TENM2: variants seen among roughly 807,000 people sequenced by gnomAD.
TENM2 encodes teneurin-2.
Under a neutral mutation model 245.2 loss-of-function variants are expected in TENM2, and 52 were observed. That is an observed-to-expected ratio of 0.21 (90% CI 0.17 to 0.27). The LOEUF is 0.27. TENM2 is among the 10% of genes least tolerant of loss of function. The pLI, the probability that TENM2 is intolerant of heterozygous loss-of-function variation, is 1.00. For synonymous variants in TENM2, 1,363 were observed against 1,438.9 expected (o/e 0.95, Z 1.19); for missense variants, 3,046 against 3,666.8 (o/e 0.83, Z 4.37).
chr5:167,661,750 A>G (rs529378022), intron 2 of TENM2, among the ~76,000 whole-genome samples: 48 of 151,702 alleles, frequency 3.2e-4, no homozygotes, highest in African/African-American at 1.1e-3. Flanking sequence ...AGGCTTGCCT[A>G]GAGTCAGTGG....
chr5:167,396,623 T>C (rs1454443886), intron 2 of TENM2, among the ~76,000 whole-genome samples: 2 of 152,104 alleles, frequency 1.3e-5, no homozygotes, highest in African/African-American at 4.8e-5. Flanking sequence ...AGTGTGTATC[T>C]CTTTTATATA....
the TENM2 span, among the ~76,000 whole-genome samples, chr5:167,271,251 C>T: frequency 3.3e-5 from 5 of 151,990 alleles, no homozygotes; most frequent in African/African-American, 1.2e-4. Context: ...TTAGCCAGTG[C>T]CTAAGGTACA....
At chr5:167,740,625 A>G (rs1390399816) in intron 2 of TENM2, among the ~76,000 whole-genome samples, 1 of 152,028 alleles carries the variant, frequency 6.6e-6, no homozygotes, top group East Asian at 1.9e-4. Context: ...TTCTTATCTT[A>G]CCTGTGCAAA....
the TENM2 span, among the ~76,000 whole-genome samples, chr5:167,166,899 C>T: frequency 4.6e-5 from 7 of 152,148 alleles, no homozygotes; most frequent in African/African-American, 1.7e-4. Flanking sequence ...GGGTGGTCCT[C>T]ATAGCCTAGG....
intron 2 of TENM2, among the ~76,000 whole-genome samples, chr5:167,507,720 A>G (rs1203385362): frequency 6.7e-6 from 1 of 149,704 alleles, no homozygotes; most frequent in Non-Finnish European, 1.5e-5. Context: ...ATAAAAAAAT[A>G]AAACAATTAC....
chr5:168,139,847 T>C (rs1755381324), intron 12 of TENM2, among the ~76,000 whole-genome samples: 1 of 152,240 alleles, frequency 6.6e-6, no homozygotes. Context: ...AAGCCTAGTC[T>C]TCCCCAAATT....
At chr5:167,272,664 AAGG>A in the TENM2 span, among the ~76,000 whole-genome samples, 1 of 152,150 alleles carries the variant, frequency 6.6e-6, no homozygotes, top group Non-Finnish European at 1.5e-5. Context: ...GTGGGGAAGA[AAGG>A]TGGTCACATC....
chr5:167,332,052 G>C (rs564299907), intron 1 of TENM2, among the ~76,000 whole-genome samples: 133 of 152,242 alleles, frequency 8.7e-4, no homozygotes, highest in Non-Finnish European at 1.7e-3. Flanking sequence ...TCACCAACGG[G>C]CAATTTGTTC....
chr5:167,331,476 C>T (rs1757458710), intron 1 of TENM2, among the ~76,000 whole-genome samples: 1 of 152,096 alleles, frequency 6.6e-6, no homozygotes, highest in Admixed American at 6.5e-5. Flanking sequence ...ATGAATGTAC[C>T]TACAGAAGTG....
In TENM2 at chr5:167,743,246, C is replaced by T. The variant is rs553516136; in HGVS notation, c.503-132740C>T. Among the ~76,000 whole-genome samples, 5 of 152,242 alleles carry T rather than the reference C, an allele frequency of 3.3e-5. No homozygotes were observed. The South Asian group carries it at 1.0e-3, about 32-fold the overall frequency. ...CAATATGCCAGTTAATGCATAATGTCTCCCCGCATGAAACCTGATCAAAAA... is the reference window on the plus strand; with the variant it reads ...CAATATGCCAGTTAATGCATAATGTTTCCCCGCATGAAACCTGATCAAAAA... On this transcript the variant is annotated intron_variant, in intron 2 of 28. Transcript: ENST00000518659.
At chr5:168,203,952 C>T in intron 18 of TENM2, 120 bp downstream of exon 20, 1 of 690,820 alleles carries the variant, frequency 1.4e-6, no homozygotes, top group Non-Finnish European at 2.2e-6. Context: ...TCATCAAGTG[C>T]CCAAAATATG....
intron 2 of TENM2, among the ~76,000 whole-genome samples, chr5:167,468,926 G>A (rs1049281915): frequency 2.6e-5 from 4 of 152,228 alleles, no homozygotes; most frequent in African/African-American, 9.6e-5. Context: ...CTCAATTGAA[G>A]GTCTACCTTT....
At chr5:167,405,240 T>G (rs1762568190) in intron 2 of TENM2, among the ~76,000 whole-genome samples, 1 of 152,148 alleles carries the variant, frequency 6.6e-6, no homozygotes, top group African/African-American at 2.4e-5. Context: ...TGATTTTTTT[T>G]CTTCTTGGCA....
rs542296736 is a variant in TENM2, at chr5:167,670,502, T to G, written c.503-205484T>G. Among the ~76,000 whole-genome samples, 16 of 152,240 alleles carry G rather than the reference T, an allele frequency of 1.1e-4. 1 individual carries two copies. Among genetic ancestry groups the G allele is most frequent in the Admixed American group, 1.0e-3 (16 of 15,266 alleles). ...CTCTCCCCCTCTCTCTCATCACATT[T>G]TTTTTTCTGTGCACTGAAAGACCTG... On this transcript the variant is annotated intron_variant, in intron 2 of 28. Coordinates refer to ENST00000518659, the Ensembl canonical transcript of TENM2.
At chr5:167,557,620 C>A (rs958466759) in intron 2 of TENM2, among the ~76,000 whole-genome samples, 1 of 152,180 alleles carries the variant, frequency 6.6e-6, no homozygotes, top group Non-Finnish European at 1.5e-5. Flanking sequence ...TGAGCCCGAT[C>A]CTAGCCTGAG....
chr5:167,881,821 C>A (rs1370523354), intron 3 of TENM2, among the ~76,000 whole-genome samples: 1 of 152,180 alleles, frequency 6.6e-6, no homozygotes, highest in Non-Finnish European at 1.5e-5. Context: ...TGCAGAGCCA[C>A]ACAGGACTTG....
chr5:168,120,094 C>T (rs572081213), intron 10 of TENM2, among the ~76,000 whole-genome samples: 9 of 152,252 alleles, frequency 5.9e-5, no homozygotes, highest in Non-Finnish European at 1.3e-4. Context: ...TGTGAAACCC[C>T]GCATTTCATC....
At chr5:167,025,723 G>T in the TENM2 span, among the ~76,000 whole-genome samples, 1 of 152,112 alleles carries the variant, frequency 6.6e-6, no homozygotes, top group East Asian at 1.9e-4. Context: ...ATTATAGATT[G>T]GTTAATGCCT....
intron 2 of TENM2, among the ~76,000 whole-genome samples, chr5:167,634,599 C>T (rs373127632): frequency 2.9e-4 from 44 of 151,644 alleles, no homozygotes; most frequent in African/African-American, 1.1e-3. Context: ...ATTCATAGTC[C>T]AATGTTCTCT....
Sources: gnomAD v4.1 joint callset for allele counts (sites outside exome capture counted in the v4.1 genomes callset) on GRCh38, gnomAD v4.1.1 for gene constraint, MANE v1.5 for transcripts, NCBI Gene and HGNC (gene_info 2026-07-23, HGNC 2026-07-21) for gene names.